USP9X: variants seen among roughly 807,000 people sequenced by gnomAD.
USP9X encodes ubiquitin specific peptidase 9 X-linked.
USP9X carries 7 observed loss-of-function variants against 190.3 expected under a neutral mutation model. The observed-to-expected ratio is 0.04, with a 90% CI of 0.02 to 0.07. USP9X has a LOEUF of 0.07. Among genes scored for constraint, USP9X ranks in the 10% least tolerant of loss-of-function variants. USP9X has a pLI of 1.00. For synonymous variants in USP9X, 645 were observed against 659.5 expected, an observed-to-expected ratio of 0.98 and a Z score of 0.34; for missense variants, 1,010 against 1,916.9, an observed-to-expected ratio of 0.53 and a Z score of 8.83.
chrX:41,134,658 T>C (rs2062355794), intron 4 of USP9X, 67 bp from the exon 5 acceptor site: 1 of 919,691 alleles, frequency 1.1e-6, no homozygotes, highest in Admixed American at 2.3e-5. Flanking sequence ...TTTTATTGTA[T>C]ATTGGACAAT....
chrX:41,098,139 C>CTT (rs1166570050), intron 1 of USP9X, among the ~76,000 whole-genome samples: 1 of 100,842 alleles, frequency 9.9e-6, no homozygotes, highest in Admixed American at 1.1e-4. Flanking sequence ...ACCCTGACCT[C>CTT]TTTTTTTTTT....
rs773992260 is a variant in USP9X at position 41,220,385 on chromosome X, C to CAA, written c.6565+1156_6565+1157dup. ...ACTTGTAAAATTTTCCTGCTGAAAA[C>CAA]AAATACTGTAGGGCCTGTAAACCTT... is the stretch of plus-strand genomic sequence containing the variant. On this transcript the variant is annotated intron_variant, in intron 38 of 44. Transcript: ENST00000378308. 2.2e-4 allele frequency among the ~76,000 whole-genome samples: 25 copies of CAA among 112,115 alleles called. 1 individual carries two copies. In the Middle Eastern group the frequency reaches 0.028, roughly 125 times the overall value.
At chrX:41,144,664 C>G (rs2062449754) in intron 11 of USP9X, 38 bp downstream of exon 11, 5 of 1,002,403 alleles carry the variant, frequency 5.0e-6, no homozygotes, top group Non-Finnish European at 7.0e-6. Flanking sequence ...CATTCTATTT[C>G]AAATAGAATT....
intron 4 of USP9X, among the ~76,000 whole-genome samples, chrX:41,132,207 T>C (rs1416339551): frequency 9.0e-6 from 1 of 110,522 alleles, no homozygotes; most frequent in African/African-American, 3.3e-5. Context: ...TGATCATGGC[T>C]CACTGCAGTC....
chrX:41,209,226 T>C lies in USP9X; in HGVS notation c.5016-1283T>C, dbSNP rs192960882. On this transcript the variant is annotated intron_variant, in intron 32 of 44. Coordinates refer to ENST00000378308, the MANE Select transcript of USP9X (RefSeq NM_001039591.3). ...GTGGTCTTTATAACTTATCTCTCTA[T>C]CCCAATCTGATACTCATGAAGGAAT... 2.4e-3 allele frequency among the ~76,000 whole-genome samples: 273 copies of C among 112,078 alleles called. 1 individual carries two copies. Among genetic ancestry groups the C allele is most frequent in the Non-Finnish European group, 3.8e-3 (204 of 53,210 alleles).
rs1872798640 is a variant in USP9X at position 41,188,177 on chromosome X, G to T, written c.3810+60G>T. ...CAAATGTTTCTTAATTGTGCATGTG[G>T]TTTGATTTTTATTAGCTTTGCTATT... On this transcript the variant is annotated intron_variant, in intron 25 of 44. Coordinates refer to ENST00000378308, the MANE Select transcript of USP9X (RefSeq NM_001039591.3). 4.7e-6 allele frequency: 5 copies of T among 1,064,789 alleles called. No homozygotes were observed. The South Asian group carries it at 1.3e-4, about 28-fold the overall frequency. 87.8% of individuals were successfully genotyped at this position (1,064,789 alleles called of 1,213,427 possible).
At chrX:41,185,782 C>T (rs971930826) in intron 23 of USP9X, among the ~76,000 whole-genome samples, 1 of 110,888 alleles carries the variant, frequency 9.0e-6, no homozygotes, top group African/African-American at 3.3e-5. Flanking sequence ...TACATGTTTC[C>T]ACTTTCACCT....
Position 41,170,633 on chromosome X carries a change from G to C in USP9X, c.3027+14G>C, listed in dbSNP as rs766853849. On this transcript the variant is annotated intron_variant, in intron 20 of 44. Coordinates refer to ENST00000378308, the MANE Select transcript of USP9X (RefSeq NM_001039591.3). The stretch of plus-strand genomic sequence containing the variant: ...TTGCCTGGAGTGGTGAGTAGATACA[G>C]TTTTGAACTACTGTATGTAAGGCAT... 8.3e-7 allele frequency: 1 copy of C among 1,202,975 alleles called. No homozygotes were observed. Among genetic ancestry groups the C allele is most frequent in the Admixed American group, 2.2e-5 (1 of 45,226 alleles).
Position 41,214,554 on chromosome X carries a change from T to A in USP9X, c.5190-14T>A. The A allele has an allele frequency of 2.6e-6, 3 of 1,150,196 alleles. No homozygotes were observed. The Admixed American group carries it at 9.5e-5, about 36-fold the overall frequency. The allele number at this position is 1,150,196 out of a possible 1,213,427, so 94.8% of individuals were successfully genotyped here. On this transcript the variant is annotated splice_polypyrimidine_tract_variant and intron_variant, in intron 33 of 44. Transcript: ENST00000378308. ...AAAACTAAGGGATAAATCCTTTTTT[T>A]AAATCGTTTTTAGGTACGAATGTGA...
At chrX:41,087,945 C>T (rs1036372119) in intron 1 of USP9X, among the ~76,000 whole-genome samples, 3 of 111,842 alleles carry the variant, frequency 2.7e-5, no homozygotes, top group African/African-American at 9.8e-5. Context: ...TACCTTTCAC[C>T]AGGTTATTGG....
chrX:41,191,366 A>G (rs1235888797), intron 26 of USP9X, among the ~76,000 whole-genome samples: 3 of 109,779 alleles, frequency 2.7e-5, no homozygotes, highest in African/African-American at 1.0e-4. Context: ...CCCCAAATAC[A>G]TACTGGCCCC....
chrX:41,214,406 A>T (rs766458933), intron 33 of USP9X, among the ~76,000 whole-genome samples, 162 bp from the exon 34 acceptor site: 1 of 111,604 alleles, frequency 9.0e-6, no homozygotes, highest in Admixed American at 9.6e-5. Flanking sequence ...GCAAACCAAC[A>T]TGGCACATGT....
intron 43 of USP9X, 76 bp from the exon 44 acceptor site, chrX:41,230,425 T>A: frequency 2.0e-6 from 2 of 989,905 alleles, no homozygotes; most frequent in Non-Finnish European, 1.4e-6. Context: ...TTTTAAAATT[T>A]ATTTCAAATA....
At chrX:41,203,412 CATATAAGTGATT>C (rs1245610777) in intron 31 of USP9X, among the ~76,000 whole-genome samples, 1 of 112,331 alleles carries the variant, frequency 8.9e-6, no homozygotes, top group Non-Finnish European at 1.9e-5. Flanking sequence ...CTACATACCT[CATATAAGTGATT>C]ATATAAGTGA....
At chrX:41,115,221 C>CAA (rs752591677) in intron 1 of USP9X, among the ~76,000 whole-genome samples, 2 of 42,852 alleles carry the variant, frequency 4.7e-5, no homozygotes, top group East Asian at 6.8e-4. Flanking sequence ...ACTCCGTCTC[C>CAA]AAAAAAAAAA....
At chrX:41,092,476 T>C (rs960043424) in intron 1 of USP9X, among the ~76,000 whole-genome samples, 12 of 111,146 alleles carry the variant, frequency 1.1e-4, no homozygotes, top group African/African-American at 3.6e-4. Context: ...CGAGGTGTAG[T>C]GTACAAAGTT....
chrX:41,221,137 G>A (rs930626443), intron 38 of USP9X, among the ~76,000 whole-genome samples: 9 of 109,695 alleles, frequency 8.2e-5, no homozygotes, highest in Admixed American at 4.9e-4. Flanking sequence ...TGGCACATGC[G>A]TGTAATCCCA....
chrX:41,117,857 C>T (rs1431423040), intron 1 of USP9X, among the ~76,000 whole-genome samples: 1 of 108,305 alleles, frequency 9.2e-6, no homozygotes, highest in Admixed American at 1.0e-4. Context: ...CCACGCCCGG[C>T]CCTTTTTTCT....
intron 5 of USP9X, among the ~76,000 whole-genome samples, chrX:41,135,630 T>G (rs1352354466): frequency 9.0e-6 from 1 of 111,551 alleles, no homozygotes; most frequent in African/African-American, 3.3e-5. Context: ...TTGCTTTTGT[T>G]TTTTGTGTGT....
Sources: allele counts gnomAD v4.1 joint callset (sites outside exome capture counted in the v4.1 genomes callset), GRCh38; gene constraint gnomAD v4.1.1; transcripts MANE v1.5; gene names NCBI Gene and HGNC (gene_info 2026-07-23, HGNC 2026-07-21).